Variants in ROBO2 observed in about 807,000 individuals in gnomAD.
The protein encoded by ROBO2 is roundabout homolog 2.
ROBO2 carries 53 observed loss-of-function variants against 160.8 expected under a neutral mutation model. The observed-to-expected ratio is 0.33, with a 90% CI of 0.26 to 0.41. ROBO2 has a LOEUF of 0.41. Among genes scored for constraint, ROBO2 ranks in the 10% least tolerant of loss-of-function variants. The pLI, the probability that ROBO2 is intolerant of heterozygous loss-of-function variation, is 1.00. For synonymous variants in ROBO2, 664 were observed against 611.7 expected, an observed-to-expected ratio of 1.09 and a Z score of -1.26; for missense variants, 1,577 against 1,722.4, an observed-to-expected ratio of 0.92 and a Z score of 1.49.
At chr3:77,349,890 T>C (rs926988139) in intron 2 of ROBO2, among the ~76,000 whole-genome samples, 1 of 152,072 alleles carries the variant, frequency 6.6e-6, no homozygotes, top group Non-Finnish European at 1.5e-5. Context: ...TGCCTGTCTA[T>C]AGAAGAAAAA....
chr3:77,116,580 A>T (rs1352683832), intron 2 of ROBO2, among the ~76,000 whole-genome samples: 1 of 152,104 alleles, frequency 6.6e-6, no homozygotes, highest in Non-Finnish European at 1.5e-5. Context: ...AATACAAGAA[A>T]TGTAGTAGAA....
intron 2 of ROBO2, among the ~76,000 whole-genome samples, chr3:76,304,747 C>CTTCTTTCTTTCTTTCTTTCTTTCTTTCT (rs1222058179): frequency 9.8e-6 from 1 of 101,626 alleles, no homozygotes; most frequent in Non-Finnish European, 2.2e-5. Flanking sequence ...CTTTTCTTTC[C>CTTCTTTCTTTCTTTCTTTCTTTCTTTCT]TTCTTTCTTT....
intron 2 of ROBO2, among the ~76,000 whole-genome samples, chr3:76,519,364 G>A (rs2081487308): frequency 6.6e-6 from 1 of 152,134 alleles, no homozygotes; most frequent in African/African-American, 2.4e-5. Context: ...ATTTACAAAA[G>A]GGGTTTGCTG....
chr3:75,936,017 A>G (rs1947763165), intron 1 of ROBO2, among the ~76,000 whole-genome samples: 2 of 152,232 alleles, frequency 1.3e-5, no homozygotes, highest in African/African-American at 4.8e-5. Context: ...AATGTAAGGC[A>G]TTTAGCACAG....
intron 2 of ROBO2, among the ~76,000 whole-genome samples, chr3:77,351,752 C>A (rs2068363026): frequency 1.3e-5 from 2 of 152,108 alleles, no homozygotes; most frequent in African/African-American, 4.8e-5. Context: ...TTAGGAAGCA[C>A]TTGTTATATT....
chr3:76,890,403 T>A (rs1010535554), intron 2 of ROBO2, among the ~76,000 whole-genome samples: 51 of 152,152 alleles, frequency 3.4e-4, no homozygotes, highest in African/African-American at 1.2e-3. Flanking sequence ...CTTTATTACC[T>A]AAGATCAGGT....
chr3:76,939,594 C>T (rs1213488765), intron 2 of ROBO2, among the ~76,000 whole-genome samples: 2 of 152,074 alleles, frequency 1.3e-5, no homozygotes, highest in East Asian at 1.9e-4. Flanking sequence ...GCCTGGACAA[C>T]ATGGTGAAAC....
chr3:76,712,370 T>G (rs564943677), intron 2 of ROBO2, among the ~76,000 whole-genome samples: 28 of 152,246 alleles, frequency 1.8e-4, no homozygotes, highest in Admixed American at 5.9e-4. Context: ...ATTTAAATAA[T>G]GACATCAGTA....
intron 2 of ROBO2, among the ~76,000 whole-genome samples, chr3:76,073,743 A>C (rs571137255): frequency 3.3e-5 from 5 of 152,220 alleles, no homozygotes; most frequent in Admixed American, 2.6e-4. Flanking sequence ...AATTTATGTC[A>C]AGAGTCCTGG....
intron 2 of ROBO2, among the ~76,000 whole-genome samples, chr3:76,205,220 C>T (rs1220485854): frequency 6.6e-6 from 1 of 152,146 alleles, no homozygotes; most frequent in Non-Finnish European, 1.5e-5. Flanking sequence ...TAGCACAATT[C>T]CCAGCTCTGC....
intron 2 of ROBO2, among the ~76,000 whole-genome samples, chr3:76,661,434 C>A (rs573834406): frequency 6.6e-6 from 1 of 152,282 alleles, no homozygotes; most frequent in African/African-American, 2.4e-5. Context: ...ACCCATGACA[C>A]AACCTCAGGA....
At chr3:76,729,242 T>A (rs2093597805) in intron 2 of ROBO2, among the ~76,000 whole-genome samples, 1 of 152,264 alleles carries the variant, frequency 6.6e-6, no homozygotes, top group Non-Finnish European at 1.5e-5. Flanking sequence ...TGTCTTTTTT[T>A]TTTTTAACAC....
chr3:76,974,878 T>A (rs1190532852), intron 2 of ROBO2, among the ~76,000 whole-genome samples: 1 of 152,076 alleles, frequency 6.6e-6, no homozygotes, highest in Non-Finnish European at 1.5e-5. Context: ...AGTAAACAGC[T>A]TACAGACTGC....
chr3:76,242,664 T>C (rs1705363780), intron 2 of ROBO2, among the ~76,000 whole-genome samples: 1 of 151,968 alleles, frequency 6.6e-6, no homozygotes, highest in African/African-American at 2.4e-5. Context: ...GGTGGGAGGA[T>C]TGCTTGAGCC....
intron 2 of ROBO2, among the ~76,000 whole-genome samples, chr3:76,658,535 G>A (rs1377431528): frequency 6.6e-6 from 1 of 152,008 alleles, no homozygotes; most frequent in Non-Finnish European, 1.5e-5. Flanking sequence ...CCCTCCCTGT[G>A]TCCATGTGTT....
intron 2 of ROBO2, among the ~76,000 whole-genome samples, chr3:77,000,814 A>G (rs1008069791): frequency 2.0e-5 from 3 of 152,318 alleles, no homozygotes; most frequent in Non-Finnish European, 1.5e-5. Flanking sequence ...AATAAAAAAT[A>G]CCTTTCACAT....
chr3:76,643,445 C>G (rs1313503680), intron 2 of ROBO2, among the ~76,000 whole-genome samples: 8 of 152,016 alleles, frequency 5.3e-5, no homozygotes, highest in Non-Finnish European at 1.2e-4. Flanking sequence ...ATACGACATC[C>G]AAACAAGTAA....
At chr3:76,283,067 C>A (rs1708315019) in intron 2 of ROBO2, among the ~76,000 whole-genome samples, 1 of 120,170 alleles carries the variant, frequency 8.3e-6, no homozygotes, top group Non-Finnish European at 1.7e-5. Context: ...CATTACAAGT[C>A]TAAAATGTTC....
Position 76,398,563 on chromosome 3 carries a change from A to G in ROBO2, c.109+460961A>G, listed in dbSNP as rs142163765. On this transcript the variant is annotated intron_variant, in intron 2 of 26. Transcript: ENST00000487694. Reference sequence around the variant, plus strand: ...GGCAATTTTACCACCTAACCTTACCAATTCAATACGTACCCTCTTCCATTT... The same window carrying G: ...GGCAATTTTACCACCTAACCTTACCGATTCAATACGTACCCTCTTCCATTT... Among the ~76,000 whole-genome samples, 199 of 151,920 alleles carry G rather than the reference A, an allele frequency of 1.3e-3. 1 individual carries two copies. Among genetic ancestry groups the G allele is most frequent in the African/African-American group, 4.5e-3 (187 of 41,482 alleles).
Sources: allele counts gnomAD v4.1 joint callset (sites outside exome capture counted in the v4.1 genomes callset), GRCh38; gene constraint gnomAD v4.1.1; transcripts MANE v1.5; gene names NCBI Gene and HGNC (gene_info 2026-07-23, HGNC 2026-07-21).